MAP3K20: variants seen among roughly 807,000 people sequenced by gnomAD.
The protein encoded by MAP3K20 is mitogen-activated protein kinase kinase kinase 20, also known as HCCS-4.
A neutral mutation model predicts 85.7 loss-of-function variants in MAP3K20; 40 were observed. The observed-to-expected ratio is 0.47, with a 90% confidence interval of 0.36 to 0.61. MAP3K20 has a LOEUF of 0.61. MAP3K20 is among the 20% of genes least tolerant of loss of function. MAP3K20 has a pLI of 0.00. For synonymous variants in MAP3K20, 325 were observed against 327.7 expected, an observed-to-expected ratio of 0.99 and a Z score of 0.09; for missense variants, 817 against 961.7, an observed-to-expected ratio of 0.85 and a Z score of 1.99.
chr2:173,101,689 C>T (rs1163032333), intron 2 of MAP3K20, among the ~76,000 whole-genome samples: 1 of 152,024 alleles, frequency 6.6e-6, no homozygotes, highest in East Asian at 1.9e-4. Context: ...AAAAGCAGCC[C>T]GTAAGTATTT....
chr2:173,192,828 T>A (rs1393358969), intron 7 of MAP3K20: 1 of 152,242 alleles, frequency 6.6e-6, no homozygotes, highest in East Asian at 1.9e-4. Context: ...TAAATTTTTC[T>A]TAGCCTGCTT....
intron 3 of MAP3K20, among the ~76,000 whole-genome samples, chr2:173,180,442 G>A (rs1690291310): frequency 6.6e-6 from 1 of 152,170 alleles, no homozygotes; most frequent in South Asian, 2.1e-4. Context: ...GAAGGCTGAG[G>A]TGAGAGGATC....
chr2:173,146,382 A>G (rs142330570), intron 2 of MAP3K20, among the ~76,000 whole-genome samples: 1 of 152,166 alleles, frequency 6.6e-6, no homozygotes, highest in Non-Finnish European at 1.5e-5. Flanking sequence ...TTTTATTCAT[A>G]TATGTAATAC....
chr2:173,162,904 A>G (rs1252058723), intron 2 of MAP3K20, among the ~76,000 whole-genome samples: 2 of 152,138 alleles, frequency 1.3e-5, no homozygotes, highest in African/African-American at 4.8e-5. Context: ...GCTGTTGACA[A>G]TCAGAGAGAA....
chr2:173,257,098 A>C (rs1212796757), intron 16 of MAP3K20, among the ~76,000 whole-genome samples: 1 of 152,212 alleles, frequency 6.6e-6, no homozygotes, highest in East Asian at 1.9e-4. Context: ...TGGGAGGTCA[A>C]GACTGCAGTG....
chr2:173,099,138 A>G (rs1360026664), intron 2 of MAP3K20, among the ~76,000 whole-genome samples: 4 of 152,172 alleles, frequency 2.6e-5, no homozygotes, highest in Non-Finnish European at 4.4e-5. Flanking sequence ...CCCATTGTAG[A>G]TGACCACCTA....
At chr2:173,258,867 C>T in intron 17 of MAP3K20, 52 bp downstream of exon 17, 2 of 1,180,078 alleles carry the variant, frequency 1.7e-6, no homozygotes, top group Non-Finnish European at 2.5e-6. Flanking sequence ...AGATATCAAA[C>T]AAAGACATTA....
chr2:173,246,479 G>A (rs1490301965), intron 16 of MAP3K20, among the ~76,000 whole-genome samples: 4 of 151,972 alleles, frequency 2.6e-5, no homozygotes, highest in Non-Finnish European at 2.9e-5. Flanking sequence ...TAAAATATTC[G>A]GCTGCCTAGA....
chr2:173,148,187 CT>C (rs2106223276), intron 2 of MAP3K20, among the ~76,000 whole-genome samples: 1 of 152,314 alleles, frequency 6.6e-6, no homozygotes, highest in Admixed American at 6.5e-5. Context: ...CCTGTCCCCC[CT>C]CACACCAGTT....
chr2:173,206,675 G>A (rs888425736), intron 9 of MAP3K20, among the ~76,000 whole-genome samples: 3 of 152,140 alleles, frequency 2.0e-5, no homozygotes, highest in Non-Finnish European at 4.4e-5. Flanking sequence ...TGGTACAGCT[G>A]TATTTTTAAA....
chr2:173,226,295 G>C (rs1014365228), intron 11 of MAP3K20: 5 of 985,194 alleles, frequency 5.1e-6, no homozygotes, highest in Admixed American at 6.2e-5. Context: ...TTTTATGAAA[G>C]ACAGTTTTAA....
chr2:173,164,236 A>G (rs1574070573), intron 2 of MAP3K20, among the ~76,000 whole-genome samples: 1 of 151,938 alleles, frequency 6.6e-6, no homozygotes, highest in East Asian at 1.9e-4. Context: ...GGGATTTTTT[A>G]ATAATAGCCA....
intron 7 of MAP3K20, among the ~76,000 whole-genome samples, chr2:173,196,413 T>C (rs971399758): frequency 6.6e-6 from 1 of 152,206 alleles, no homozygotes; most frequent in Non-Finnish European, 1.5e-5. Context: ...TGTCCCCTTG[T>C]GGGATGCCCC....
In MAP3K20 at chr2:173,108,921, T is replaced by TA. The variant is rs762378883; in HGVS notation, c.159+17737dup. On this transcript the variant is annotated intron_variant, in intron 2 of 19. Coordinates refer to ENST00000375213, the MANE Select transcript of MAP3K20 (RefSeq NM_016653.3). ...AATCTTACTTGTGGGACAGAGACAGTAAAAAATCTTTATAATTGGTCTGTT... is the reference window on the plus strand; with the variant it reads ...AATCTTACTTGTGGGACAGAGACAGTAAAAAAATCTTTATAATTGGTCTGTT... Among the ~76,000 whole-genome samples, 45 of 152,282 alleles carry TA rather than the reference T, an allele frequency of 3.0e-4. 1 individual carries two copies. In the East Asian group the frequency reaches 8.7e-3, roughly 29 times the overall value.
chr2:173,207,713 G>T (rs899539673), intron 9 of MAP3K20: 1 of 140,686 alleles, frequency 7.1e-6, no homozygotes, highest in African/African-American at 2.7e-5. Context: ...CTTCACAAAT[G>T]GTCCCAGTTT....
chr2:173,217,953 T>C lies in MAP3K20; in HGVS notation c.987+703T>C, dbSNP rs569683341. ...TATATTATTCAAGTCTAATCAAATT[T>C]TAGCATTCTTTCCTATTTTAAATGG... On this transcript the variant is annotated intron_variant, in intron 11 of 19. Transcript: ENST00000375213. 4.0e-4 allele frequency among the ~76,000 whole-genome samples: 61 copies of C among 152,364 alleles called. No homozygotes were observed. In the South Asian group the frequency reaches 0.013, roughly 32 times the overall value.
In MAP3K20 at chr2:173,266,493, A is replaced by T; in HGVS notation, c.2146A>T (p.Arg716Trp). Residue 716 changes from arginine to tryptophan, a missense_variant, in exon 20 of 20, where the codon AGG becomes TGG. By Grantham distance (101) the Arg-to-Trp change is moderately radical. Coordinates refer to ENST00000375213, the MANE Select transcript of MAP3K20 (RefSeq NM_016653.3). ...SRGRYPGKFY[R>W]VSQSALNPHQ... The stretch of plus-strand genomic sequence containing the variant: ...AGGAAGATACCCTGGAAAGTTCTAC[A>T]GGGTTTCTCAGTCAGCACTCAATCC... 3 of 1,614,152 alleles carry T rather than the reference A, an allele frequency of 1.9e-6. No homozygotes were observed. Among genetic ancestry groups the T allele is most frequent in the Non-Finnish European group, 2.5e-6 (3 of 1,180,024 alleles).
chr2:173,213,986 GT>G (rs1428955849), intron 10 of MAP3K20, among the ~76,000 whole-genome samples: 23 of 152,098 alleles, frequency 1.5e-4, no homozygotes, highest in Admixed American at 1.5e-3. Context: ...TCCAAAGAGT[GT>G]TTTAGTAAAT....
At chr2:173,077,379 C>CAAAAAAAAAA (rs35541382) in intron 1 of MAP3K20, among the ~76,000 whole-genome samples, 1 of 96,230 alleles carries the variant, frequency 1.0e-5, no homozygotes, top group African/African-American at 4.2e-5. Flanking sequence ...TTCAATTTTC[C>CAAAAAAAAAA]AAAAAAAAAA....
Sources: gnomAD v4.1 joint callset for allele counts (sites outside exome capture counted in the v4.1 genomes callset) on GRCh38, gnomAD v4.1.1 for gene constraint, MANE v1.5 for transcripts, NCBI Gene and HGNC (gene_info 2026-07-23, HGNC 2026-07-21) for gene names.